The following POU6F2 variants were observed in gnomAD, a reference collection of about 807,000 sequenced individuals.
The protein encoded by POU6F2 is POU class 6 homeobox 2.
Under a neutral mutation model 71.3 loss-of-function variants are expected in POU6F2, and 31 were observed. The observed-to-expected ratio is 0.43, with a 90% CI of 0.33 to 0.59. The LOEUF (loss-of-function observed/expected upper bound fraction) is 0.59, where lower values mean the gene tolerates loss of function less well. Among genes scored for constraint, POU6F2 ranks in the 20% least tolerant of loss-of-function variants. The pLI is 0.04. For missense variants in POU6F2, 783 were observed against 856.8 expected, an observed-to-expected ratio of 0.91 and a Z score of 1.07; for synonymous variants, 347 against 355.7, an observed-to-expected ratio of 0.98 and a Z score of 0.27.
At chr7:39,247,724 T>C (rs1396324749) in intron 4 of POU6F2, among the ~76,000 whole-genome samples, 3 of 152,126 alleles carry the variant, frequency 2.0e-5, no homozygotes, top group African/African-American at 7.2e-5. Context: ...TAAGAGACCA[T>C]GAAGGAACTC....
At chr7:39,041,444 G>A (rs1790192185) in intron 1 of POU6F2, among the ~76,000 whole-genome samples, 1 of 151,888 alleles carries the variant, frequency 6.6e-6, no homozygotes, top group African/African-American at 2.4e-5. Context: ...CATTGTTCCA[G>A]TTTATACATC....
At chr7:39,084,512 G>A (rs2128720581) in intron 1 of POU6F2, among the ~76,000 whole-genome samples, 1 of 152,240 alleles carries the variant, frequency 6.6e-6, no homozygotes, top group South Asian at 2.1e-4. Flanking sequence ...TACAGTATTT[G>A]AAGAAGAAGT....
At chr7:39,384,108 T>G (rs1345650373) in intron 5 of POU6F2, among the ~76,000 whole-genome samples, 2 of 152,226 alleles carry the variant, frequency 1.3e-5, no homozygotes, top group Non-Finnish European at 2.9e-5. Flanking sequence ...TCCAAAGCAC[T>G]GCCCAGTTAG....
At chr7:39,354,550 A>G (rs749003184) in intron 5 of POU6F2, among the ~76,000 whole-genome samples, 3 of 152,218 alleles carry the variant, frequency 2.0e-5, no homozygotes, top group Non-Finnish European at 4.4e-5. Flanking sequence ...ACCACTTTAT[A>G]CCATACCATG....
At chr7:39,260,357 CACAT>C (rs1784110481) in intron 4 of POU6F2, among the ~76,000 whole-genome samples, 1 of 150,836 alleles carries the variant, frequency 6.6e-6, no homozygotes, top group African/African-American at 2.4e-5. Flanking sequence ...ACATACAACA[CACAT>C]ACCACACACA....
chr7:39,281,093 A>T (rs1239126522), intron 4 of POU6F2, among the ~76,000 whole-genome samples: 1 of 148,442 alleles, frequency 6.7e-6, no homozygotes, highest in Non-Finnish European at 1.5e-5. Flanking sequence ...TTTAGAAATC[A>T]TGCCATTTTA....
chr7:39,401,327 G>A (rs1392865282), intron 5 of POU6F2, among the ~76,000 whole-genome samples: 1 of 152,170 alleles, frequency 6.6e-6, no homozygotes, highest in Non-Finnish European at 1.5e-5. Context: ...AGGGTGGGCA[G>A]ACAGTGAGCA....
intron 4 of POU6F2, among the ~76,000 whole-genome samples, chr7:39,293,461 C>T (rs940435752): frequency 4.6e-5 from 7 of 152,264 alleles, no homozygotes; most frequent in Admixed American, 3.3e-4. Flanking sequence ...TGGGGCCCGT[C>T]GTTACTCCCC....
At chr7:39,309,188 C>T (rs73382999) in intron 4 of POU6F2, among the ~76,000 whole-genome samples, 3,442 of 152,328 alleles carry the variant, frequency 0.023, 80 homozygotes, top group South Asian at 0.07. Flanking sequence ...ACTCAACTGC[C>T]TTTGAGGAAA....
intron 1 of POU6F2, among the ~76,000 whole-genome samples, chr7:39,018,598 T>C (rs1158629509): frequency 1.3e-5 from 2 of 152,180 alleles, no homozygotes; most frequent in Admixed American, 6.6e-5. Context: ...TATGTCTTGC[T>C]CCAGTGGAAT....
intron 4 of POU6F2, among the ~76,000 whole-genome samples, chr7:39,309,890 A>C (rs1056887705): frequency 1.1e-4 from 16 of 152,176 alleles, no homozygotes; most frequent in Non-Finnish European, 1.6e-4. Flanking sequence ...TATATGTGTC[A>C]TTTTGTAGTT....
intron 1 of POU6F2, among the ~76,000 whole-genome samples, chr7:39,056,763 T>C (rs1790537264): frequency 6.6e-6 from 1 of 151,622 alleles, no homozygotes; most frequent in Non-Finnish European, 1.5e-5. Flanking sequence ...CATTTTTTAA[T>C]AATAGAATTG....
chr7:39,183,146 A>G (rs1451398705), intron 2 of POU6F2, among the ~76,000 whole-genome samples: 1 of 152,138 alleles, frequency 6.6e-6, no homozygotes, highest in Non-Finnish European at 1.5e-5. Flanking sequence ...CATGAACCCT[A>G]TTGTGAACTG....
At chr7:39,026,126 A>G (rs1378205104) in intron 1 of POU6F2, among the ~76,000 whole-genome samples, 1 of 152,028 alleles carries the variant, frequency 6.6e-6, no homozygotes, top group Non-Finnish European at 1.5e-5. Flanking sequence ...ATGTGGAGAA[A>G]TAGGAACACT....
In POU6F2 at chr7:39,071,956, C is replaced by T. The variant is rs1790890338; in HGVS notation, c.106-13904C>T. ...TTCAGCAGGCTTGATTAGAGTTTTG[C>T]TTGGCATACTAAGGAAATAAGTACT... On this transcript the variant is annotated intron_variant, in intron 1 of 9. Coordinates refer to ENST00000518318, the MANE Select transcript of POU6F2 (RefSeq NM_001370959.1). Among the ~76,000 whole-genome samples the T allele has an allele frequency of 2.0e-5, 3 of 152,198 alleles. No individual in the cohort carries two copies. The South Asian group carries it at 6.2e-4, about 32-fold the overall frequency.
intron 1 of POU6F2, among the ~76,000 whole-genome samples, chr7:39,044,355 T>TAC (rs535618732): frequency 7.2e-4 from 109 of 152,096 alleles, no homozygotes; most frequent in Non-Finnish European, 1.3e-3. Flanking sequence ...TGCATAAGAA[T>TAC]ACATGTCCAT....
chr7:39,006,658 G>A (rs1789080394), intron 1 of POU6F2: 1 of 598,538 alleles, frequency 1.7e-6, no homozygotes, highest in Non-Finnish European at 3.0e-6. Flanking sequence ...GTTGTTTAGT[G>A]TTCTGTCTGC....
intron 1 of POU6F2, among the ~76,000 whole-genome samples, chr7:39,078,647 C>T (rs1257853350): frequency 6.6e-6 from 1 of 152,104 alleles, no homozygotes; most frequent in Non-Finnish European, 1.5e-5. Context: ...AAACCTGGGG[C>T]GGAGCTCACG....
chr7:39,390,852 GT>G (rs113396553), intron 5 of POU6F2, among the ~76,000 whole-genome samples: 2,884 of 147,742 alleles, frequency 0.02, 76 homozygotes, highest in East Asian at 0.1. Flanking sequence ...TTGTTTTTTG[GT>G]TTTTTTTTTT....
Sources: allele counts gnomAD v4.1 joint callset (sites outside exome capture counted in the v4.1 genomes callset), GRCh38; gene constraint gnomAD v4.1.1; transcripts MANE v1.5; gene names NCBI Gene and HGNC (gene_info 2026-07-23, HGNC 2026-07-21).